The following RNF2 variants were observed in gnomAD, a reference collection of about 807,000 sequenced individuals.
The protein encoded by RNF2 is ring finger protein 2.
A neutral mutation model predicts 37.2 loss-of-function variants in RNF2; 6 were observed. The ratio of observed to expected loss-of-function variants is 0.16; its 90% CI spans 0.09 to 0.32. The LOEUF is 0.32. RNF2 is among the 10% of genes least tolerant of loss of function. The probability of loss-of-function intolerance (pLI) is 1.00; values close to 1 mark genes in which losing one functional copy is unlikely to be tolerated. For synonymous variants in RNF2, 133 were observed against 132.7 expected, an observed-to-expected ratio of 1.00 and a Z score of -0.02; for missense variants, 251 against 404.0, an observed-to-expected ratio of 0.62 and a Z score of 3.25.
intron 1 of RNF2, among the ~76,000 whole-genome samples, chr1:185,064,450 T>G (rs995596827): frequency 6.6e-6 from 1 of 152,222 alleles, no homozygotes; most frequent in African/African-American, 2.4e-5. Context: ...CGACTTACGA[T>G]TTTTCAACTT....
intron 4 of RNF2, among the ~76,000 whole-genome samples, 187 bp downstream of exon 4, chr1:185,093,463 T>C (rs1557974272): frequency 6.6e-6 from 1 of 152,160 alleles, no homozygotes; most frequent in Non-Finnish European, 1.5e-5. Flanking sequence ...AGAATCTCTG[T>C]TTTACTTACT....
intron 1 of RNF2, among the ~76,000 whole-genome samples, chr1:185,068,427 C>A (rs567172962): frequency 1.3e-5 from 2 of 152,156 alleles, no homozygotes; most frequent in African/African-American, 2.4e-5. Context: ...TCCAGGTAGG[C>A]CTTAAATGTT....
At chr1:185,064,287 G>C (rs1650734959) in intron 1 of RNF2, among the ~76,000 whole-genome samples, 1 of 152,174 alleles carries the variant, frequency 6.6e-6, no homozygotes, top group South Asian at 2.1e-4. Context: ...GGATAGGATA[G>C]CTAGTCTTAT....
intron 4 of RNF2, among the ~76,000 whole-genome samples, chr1:185,094,880 C>T (rs1651868711): frequency 6.6e-6 from 1 of 152,194 alleles, no homozygotes; most frequent in Admixed American, 6.5e-5. Context: ...TAAAGTCCAT[C>T]TCAGTCTAGT....
At position 185,100,403 on chromosome 1, in the gene RNF2, G is replaced by C. The variant is rs1265355892; in HGVS notation, c.*102G>C. The C allele has an allele frequency of 1.5e-6, 1 of 659,654 alleles. No homozygotes were observed. The highest frequency in any genetic ancestry group is 2.5e-6 in the Non-Finnish European group (1 of 407,064). The allele number at this position is 659,654 out of a possible 1,614,324, so 40.9% of individuals were successfully genotyped here. A position where few individuals can be genotyped will look rare whatever the true frequency, so the allele number is the denominator to read the frequency against. ...TTTATGGACAGATCTTGGATATGTT[G>C]TTCAATTTTCTTTCTGAGCCAGACT... On this transcript the variant is annotated 3_prime_UTR_variant, in exon 7 of 7. Transcript: ENST00000367510.
chr1:185,050,586 A>G (rs981756011), intron 1 of RNF2, among the ~76,000 whole-genome samples: 6 of 152,232 alleles, frequency 3.9e-5, no homozygotes, highest in African/African-American at 1.4e-4. Flanking sequence ...CTTGAGAAAT[A>G]CTTTTTTCAG....
At chr1:185,057,672 G>A (rs1406833944) in intron 1 of RNF2, among the ~76,000 whole-genome samples, 1 of 152,048 alleles carries the variant, frequency 6.6e-6, no homozygotes, top group Non-Finnish European at 1.5e-5. Flanking sequence ...TCTTTTTTAG[G>A]TAGTGCAGAG....
chr1:185,076,268 G>GTGTTTTTTT (rs1651152320), intron 1 of RNF2, among the ~76,000 whole-genome samples: 2 of 27,334 alleles, frequency 7.3e-5, no homozygotes, highest in Non-Finnish European at 1.5e-4. Context: ...TTTATGGGTT[G>GTGTTTTTTT]TTTTTTTTTT....
At chr1:185,057,913 C>G (rs1340264925) in intron 1 of RNF2, among the ~76,000 whole-genome samples, 1 of 151,948 alleles carries the variant, frequency 6.6e-6, no homozygotes, top group Admixed American at 6.6e-5. Context: ...TCACTTGAGC[C>G]CAGATGTTTG....
intron 1 of RNF2, among the ~76,000 whole-genome samples, chr1:185,050,610 T>TA (rs1297738723): frequency 6.6e-6 from 1 of 152,206 alleles, no homozygotes; most frequent in African/African-American, 2.4e-5. Context: ...CTGATGGAAA[T>TA]AAAATATTGA....
chr1:185,071,721 CAG>C (rs966014031), intron 1 of RNF2: 3 of 161,086 alleles, frequency 1.9e-5, no homozygotes, highest in Admixed American at 1.3e-4. Flanking sequence ...TGAAGTCACA[CAG>C]TGTGTGTGGT....
At chr1:185,066,491 C>G (rs1029193906) in intron 1 of RNF2, among the ~76,000 whole-genome samples, 2 of 152,228 alleles carry the variant, frequency 1.3e-5, no homozygotes, top group African/African-American at 4.8e-5. Context: ...TTTCTGATTT[C>G]TGCTCTCCCA....
chr1:185,063,792 C>T (rs1045395391), intron 1 of RNF2, among the ~76,000 whole-genome samples: 3 of 152,088 alleles, frequency 2.0e-5, no homozygotes, highest in African/African-American at 7.2e-5. Flanking sequence ...ATTTGCAGCC[C>T]CTTCTTCCAT....
intron 3 of RNF2, among the ~76,000 whole-genome samples, chr1:185,092,838 A>G (rs1226668013): frequency 6.6e-6 from 1 of 152,064 alleles, no homozygotes; most frequent in African/African-American, 2.4e-5. Context: ...GAAATACTCA[A>G]ATTTTTTCTT....
intron 1 of RNF2, 82 bp downstream of exon 1, chr1:185,045,731 T>C (rs1231293255): frequency 6.7e-6 from 1 of 149,020 alleles, no homozygotes; most frequent in African/African-American, 2.5e-5. Flanking sequence ...TGCAGGCGAC[T>C]GACGGGGGCC....
At chr1:185,049,168 G>T (rs1293040197) in intron 1 of RNF2, among the ~76,000 whole-genome samples, 1 of 152,146 alleles carries the variant, frequency 6.6e-6, no homozygotes, top group Non-Finnish European at 1.5e-5. Flanking sequence ...GGAGGTTGCA[G>T]TGCATGCCAC....
At position 185,100,188 on chromosome 1, in the gene RNF2, T is replaced by G; in HGVS notation, c.910-12T>G. ...GCAGTTTTCATAATTTTTTCTTTCT[T>G]TTTTGTTTTAGGTATTAAATGGCTC... On this transcript the variant is annotated splice_polypyrimidine_tract_variant and intron_variant, in intron 6 of 6. Transcript: ENST00000367510. 1 of 1,566,880 alleles carries G rather than the reference T, an allele frequency of 6.4e-7. No homozygotes were observed. Among genetic ancestry groups the G allele is most frequent in the Non-Finnish European group, 8.6e-7 (1 of 1,158,598 alleles).
At chr1:185,076,268 G>GTTGTTTTTTT (rs1651152431) in intron 1 of RNF2, among the ~76,000 whole-genome samples, 1 of 27,350 alleles carries the variant, frequency 3.7e-5, no homozygotes, top group Non-Finnish European at 7.6e-5. Context: ...TTTATGGGTT[G>GTTGTTTTTTT]TTTTTTTTTT....
At chr1:185,067,328 A>G (rs934348948) in intron 1 of RNF2, among the ~76,000 whole-genome samples, 3 of 152,236 alleles carry the variant, frequency 2.0e-5, no homozygotes, top group Non-Finnish European at 4.4e-5. Context: ...TACCGCAGGC[A>G]GTGTTATGAT....
Sources: allele counts gnomAD v4.1 joint callset (sites outside exome capture counted in the v4.1 genomes callset), GRCh38; gene constraint gnomAD v4.1.1; transcripts MANE v1.5; gene names NCBI Gene and HGNC (gene_info 2026-07-23, HGNC 2026-07-21).